CPT1A: variants seen among roughly 807,000 people sequenced by gnomAD.
CPT1A encodes the protein carnitine palmitoyltransferase 1A.
A neutral mutation model predicts 100.8 loss-of-function variants in CPT1A; 64 were observed. The ratio of observed to expected loss-of-function variants is 0.63; its 90% CI spans 0.52 to 0.78. The LOEUF (loss-of-function observed/expected upper bound fraction) is 0.78. Among genes scored for constraint, CPT1A ranks in the 30% least tolerant of loss-of-function variants. The pLI is 0.00. For missense variants in CPT1A, 802 were observed against 1,034.1 expected, an observed-to-expected ratio of 0.78 and a Z score of 3.08; for synonymous variants, 363 against 396.0, an observed-to-expected ratio of 0.92 and a Z score of 0.99.
At chr11:68,805,325 C>A (rs1400707574) in intron 4 of CPT1A, among the ~76,000 whole-genome samples, 1 of 152,090 alleles carries the variant, frequency 6.6e-6, no homozygotes, top group African/African-American at 2.4e-5. Flanking sequence ...GTGGTGTGTG[C>A]CTGTGGTCCC....
At chr11:68,760,161 C>G in intron 17 of CPT1A, 64 bp downstream of exon 17, 1 of 1,175,450 alleles carries the variant, frequency 8.5e-7, no homozygotes, top group Non-Finnish European at 1.2e-6. Flanking sequence ...ATGGGCCCAT[C>G]ACACCCCATT....
In CPT1A at chr11:68,815,378, G is replaced by A; in HGVS notation, c.97C>T (p.Leu33Phe). ...TTTTTCCAGGAATGAAGTCCAGAGA[G>A]ATAGATTTGTCTAAGAGCTTCATGG... The part of the protein sequence containing the change: ...LSHEALRQIY[L>F]SGLHSWKKKF... Residue 33 changes from leucine to phenylalanine, a missense_variant, in exon 2 of 19, where the codon CTC (leucine) becomes TTC (phenylalanine). Leu to Phe is a conservative substitution (Grantham distance 22). Around this residue, in one of 4 missense-constraint regions of CPT1A, gnomAD observed 161 missense variants for 183.7 expected, o/e 0.88. Coordinates refer to ENST00000265641, the MANE Select transcript of CPT1A (RefSeq NM_001876.4). 6.2e-7 allele frequency: 1 copy of A among 1,614,176 alleles called. No individual in the cohort carries two copies. Among genetic ancestry groups the A allele is most frequent in the Non-Finnish European group, 8.5e-7 (1 of 1,180,030 alleles).
intron 9 of CPT1A, among the ~76,000 whole-genome samples, chr11:68,790,883 G>A (rs1566361167): frequency 6.6e-6 from 1 of 151,998 alleles, no homozygotes; most frequent in Non-Finnish European, 1.5e-5. Context: ...GAGTGCAGTG[G>A]CATGATCTTG....
chr11:68,757,768 C>T (rs762162288), intron 18 of CPT1A, 38 bp from the exon 19 acceptor site: 10 of 1,552,718 alleles, frequency 6.4e-6, no homozygotes, highest in Admixed American at 5.0e-5. Context: ...CCTATTAAAA[C>T]GTGGCCATCC....
chr11:68,811,856 G>A (rs1037511083), intron 3 of CPT1A, among the ~76,000 whole-genome samples: 1 of 152,068 alleles, frequency 6.6e-6, no homozygotes, highest in Non-Finnish European at 1.5e-5. Context: ...AAATGAACAT[G>A]TGCTGAATGT....
At chr11:68,793,286 C>G in intron 9 of CPT1A, 29 bp downstream of exon 9, 5 of 1,543,470 alleles carry the variant, frequency 3.2e-6, no homozygotes, top group Non-Finnish European at 4.5e-6. Context: ...TGCCGATTCT[C>G]CAGGGGGCCC....
At chr11:68,785,152 A>C in intron 9 of CPT1A, 142 bp from the exon 10 acceptor site, 1 of 733,852 alleles carries the variant, frequency 1.4e-6, no homozygotes, top group Non-Finnish European at 2.4e-6. Flanking sequence ...CTATTCCTCA[A>C]GACGTTTTAA....
upstream of CPT1A, among the ~76,000 whole-genome samples, chr11:68,842,309 C>G (rs913861406): frequency 1.3e-5 from 2 of 152,132 alleles, no homozygotes; most frequent in Non-Finnish European, 2.9e-5. Flanking sequence ...CCCACATCAC[C>G]GAGCTGAGAA....
intron 1 of CPT1A, among the ~76,000 whole-genome samples, chr11:68,822,342 G>A (rs1162455839): frequency 6.6e-6 from 1 of 152,098 alleles, no homozygotes; most frequent in Non-Finnish European, 1.5e-5. Context: ...GACCAGCCTG[G>A]GGAACATGGC....
At chr11:68,805,908 AC>A (rs1301585455) in intron 4 of CPT1A, among the ~76,000 whole-genome samples, 10 of 151,784 alleles carry the variant, frequency 6.6e-5, no homozygotes, top group Admixed American at 6.6e-4. Context: ...CGGGGCACAC[AC>A]CCGCCTGCAG....
Position 68,779,239 on chromosome 11 carries a change from A to G in CPT1A, c.1458+1401T>C, listed in dbSNP as rs896461511. ...ATTTATTAGGCCAGCAGGAAAATTT[A>G]AAACACTGCAAAAAGATGGTCTTTA... On this transcript the variant is annotated intron_variant, in intron 12 of 18. Coordinates refer to ENST00000265641, the MANE Select transcript of CPT1A (RefSeq NM_001876.4). Among the ~76,000 whole-genome samples, 26 of 152,100 alleles carry G rather than the reference A, an allele frequency of 1.7e-4. 1 individual carries two copies. Among genetic ancestry groups the G allele is most frequent in the Non-Finnish European group, 7.4e-5 (5 of 68,020 alleles).
intron 9 of CPT1A, among the ~76,000 whole-genome samples, chr11:68,787,295 G>A (rs1019374206): frequency 2.6e-5 from 4 of 152,008 alleles, no homozygotes; most frequent in Non-Finnish European, 5.9e-5. Context: ...AATTAGCCGG[G>A]CATGGTGGCA....
intron 10 of CPT1A, 86 bp from the exon 11 acceptor site, chr11:68,782,045 C>G: frequency 7.7e-7 from 1 of 1,292,490 alleles, no homozygotes; most frequent in Admixed American, 1.9e-5. Flanking sequence ...CAAACCTTTG[C>G]AGTTTTTCAG....
intron 1 of CPT1A, chr11:68,839,471 C>T (rs1056437823): frequency 1.0e-6 from 1 of 977,532 alleles, no homozygotes; most frequent in African/African-American, 1.7e-5. Flanking sequence ...TTCCACCCGC[C>T]GTGCCCACAG....
At chr11:68,820,776 A>T (rs983082927) in intron 1 of CPT1A, among the ~76,000 whole-genome samples, 3 of 152,144 alleles carry the variant, frequency 2.0e-5, no homozygotes, top group Non-Finnish European at 2.9e-5. Flanking sequence ...CAGGGACGTG[A>T]ATCACCCCTT....
intron 4 of CPT1A, 40 bp from the exon 5 acceptor site, chr11:68,804,141 T>C (rs1855981554): frequency 2.0e-6 from 3 of 1,487,106 alleles, no homozygotes; most frequent in South Asian, 1.1e-5. Context: ...ACTGCCATAC[T>C]ACTCTGAAGG....
intron 8 of CPT1A, among the ~76,000 whole-genome samples, chr11:68,793,738 T>C (rs548605129): frequency 1.4e-5 from 2 of 144,976 alleles, no homozygotes; most frequent in African/African-American, 2.6e-5. Context: ...AGAGCGAGAC[T>C]CTGTCTCAAA....
intron 1 of CPT1A, among the ~76,000 whole-genome samples, chr11:68,825,933 G>A (rs75012910): frequency 6.6e-6 from 1 of 152,160 alleles, no homozygotes; most frequent in Non-Finnish European, 1.5e-5. Context: ...ACCCACCCCA[G>A]TGAGTGCCAC....
intron 1 of CPT1A, among the ~76,000 whole-genome samples, chr11:68,816,598 C>G (rs1425538520): frequency 6.6e-6 from 1 of 152,218 alleles, no homozygotes; most frequent in African/African-American, 2.4e-5. Flanking sequence ...CACAGCCCAC[C>G]CCCATCCCCT....
Sources: gnomAD v4.1 joint callset for allele counts (sites outside exome capture counted in the v4.1 genomes callset) on GRCh38, gnomAD v4.1.1 for gene constraint, gnomAD v4.1.1 regional missense constraint, MANE v1.5 for transcripts, NCBI Gene and HGNC (gene_info 2026-07-23, HGNC 2026-07-21) for gene names.